RANBP2: variants seen among roughly 807,000 people sequenced by gnomAD.
RANBP2 encodes the protein E3 SUMO-protein ligase RanBP2.
Under a neutral mutation model 303.6 loss-of-function variants are expected in RANBP2, and 57 were observed. That is an observed-to-expected ratio of 0.19 (90% CI 0.15 to 0.23). The LOEUF is 0.23. Among genes scored for constraint, RANBP2 ranks in the 10% least tolerant of loss-of-function variants. The pLI is 1.00. For missense variants in RANBP2, 3,138 were observed against 3,780.8 expected, an observed-to-expected ratio of 0.83 and a Z score of 4.46; for synonymous variants, 1,167 against 1,301.5, an observed-to-expected ratio of 0.90 and a Z score of 2.23.
downstream of RANBP2, among the ~76,000 whole-genome samples, chr2:108,787,543 A>C (rs1334650384): frequency 6.6e-6 from 1 of 152,226 alleles, no homozygotes; most frequent in Non-Finnish European, 1.5e-5. Flanking sequence ...AATATTTGGT[A>C]ATCTAGAGTT....
chr2:109,305,929 C>G, the RANBP2 span, among the ~76,000 whole-genome samples: 2 of 152,218 alleles, frequency 1.3e-5, no homozygotes, highest in African/African-American at 4.8e-5. Context: ...GCTCCTCCAG[C>G]TGCTCCTCCA....
intron 8 of RANBP2, among the ~76,000 whole-genome samples, chr2:108,747,694 C>G (rs1025659140): frequency 2.0e-5 from 3 of 151,970 alleles, no homozygotes; most frequent in African/African-American, 4.8e-5. Context: ...CTGGGCATCC[C>G]GAGGGTGCCT....
rs1169430378 is a variant in RANBP2, at chr2:108,784,109, C to G, written c.*208C>G. 1 of 552,414 alleles carries G rather than the reference C, an allele frequency of 1.8e-6. No individual in the cohort carries two copies. Among genetic ancestry groups the G allele is most frequent in the African/African-American group, 1.9e-5 (1 of 53,006 alleles). 34.2% of individuals were successfully genotyped at this position (552,414 alleles called of 1,614,324 possible). ...TAAAAGTTTAAACACTGGTGTATTT[C>G]AGGTGTACTTGTGTTTATGTACTCC... is the stretch of plus-strand genomic sequence containing the variant. On this transcript the variant is annotated 3_prime_UTR_variant, in exon 29 of 29. Transcript: ENST00000283195.
rs568233554 is a variant in RANBP2, at chr2:108,781,948, C to T, written c.8761-180C>T. On this transcript the variant is annotated intron_variant, in intron 26 of 28. Coordinates refer to ENST00000283195, the MANE Select transcript of RANBP2 (RefSeq NM_006267.5). ...GAAAATGTTTAATGATAAATCAGGT[C>T]TTTACTCCCTCAGCCAAATCAGATA... Among the ~76,000 whole-genome samples the T allele has an allele frequency of 3.3e-5, 5 of 152,254 alleles. No individual in the cohort carries two copies. In the East Asian group the frequency reaches 9.6e-4, roughly 29 times the overall value.
chr2:109,055,654 G>A, the RANBP2 span, among the ~76,000 whole-genome samples: 14 of 151,898 alleles, frequency 9.2e-5, no homozygotes, highest in African/African-American at 3.4e-4. Flanking sequence ...AAAGTGCTGG[G>A]ATTAAAGGCG....
chr2:109,614,763 G>T, the RANBP2 span: 1 of 1,479,796 alleles, frequency 6.8e-7, no homozygotes, highest in South Asian at 1.3e-5. Context: ...CGAGCCCTCC[G>T]GGGACCCGCC....
At chr2:109,230,940 A>G in the RANBP2 span, among the ~76,000 whole-genome samples, 4 of 152,220 alleles carry the variant, frequency 2.6e-5, no homozygotes, top group Non-Finnish European at 4.4e-5. Context: ...GGAAGGCAGG[A>G]TAGGTCAAAC....
chr2:109,540,295 C>A, the RANBP2 span, among the ~76,000 whole-genome samples: 1,616 of 152,232 alleles, frequency 0.011, 9 homozygotes, highest in Middle Eastern at 0.037. Context: ...TTGTTTTCTT[C>A]AAGTCTCCCA....
chr2:108,975,307 T>C, the RANBP2 span, among the ~76,000 whole-genome samples: 2 of 152,196 alleles, frequency 1.3e-5, no homozygotes, highest in South Asian at 4.1e-4. Flanking sequence ...CCTGCCTGGG[T>C]TCCCACCCGT....
chr2:109,454,346 CCT>C, the RANBP2 span, among the ~76,000 whole-genome samples: 26 of 152,342 alleles, frequency 1.7e-4, no homozygotes, highest in African/African-American at 6.3e-4. Flanking sequence ...GTGACCCGAA[CCT>C]TCACTCCTGA....
the RANBP2 span, among the ~76,000 whole-genome samples, chr2:109,662,240 C>T: frequency 6.6e-6 from 1 of 152,160 alleles, no homozygotes; most frequent in Non-Finnish European, 1.5e-5. Context: ...ACCTGCATTG[C>T]AGTCTGAAAG....
chr2:109,486,941 C>T, the RANBP2 span, among the ~76,000 whole-genome samples: 1 of 152,178 alleles, frequency 6.6e-6, no homozygotes, highest in Non-Finnish European at 1.5e-5. Flanking sequence ...TTGGTTTTCT[C>T]CCTGTGAGGC....
chr2:109,287,952 C>A, the RANBP2 span, among the ~76,000 whole-genome samples: 1 of 152,228 alleles, frequency 6.6e-6, no homozygotes, highest in African/African-American at 2.4e-5. Flanking sequence ...AATAAGCAAG[C>A]CAGAGAAAGG....
chr2:109,539,799 C>A, the RANBP2 span, among the ~76,000 whole-genome samples: 1 of 152,168 alleles, frequency 6.6e-6, no homozygotes, highest in Non-Finnish European at 1.5e-5. Flanking sequence ...TAAATGAAAT[C>A]ATGCTGTATG....
the RANBP2 span, chr2:108,847,048 T>C: frequency 1.5e-6 from 1 of 665,132 alleles, no homozygotes; most frequent in Non-Finnish European, 2.6e-6. Context: ...TGAATTGTTT[T>C]ATAATGGTTA....
chr2:109,395,212 G>T, the RANBP2 span, among the ~76,000 whole-genome samples: 1 of 152,366 alleles, frequency 6.6e-6, no homozygotes, highest in South Asian at 2.1e-4. Context: ...CTGGTCCCCA[G>T]TGGTGGGTGG....
At chr2:108,809,055 T>A in the RANBP2 span, among the ~76,000 whole-genome samples, 717 of 152,274 alleles carry the variant, frequency 4.7e-3, 4 homozygotes, top group African/African-American at 0.016. Flanking sequence ...ATTTCCTGCA[T>A]GATTTGTTGA....
chr2:108,871,648 A>T, the RANBP2 span, among the ~76,000 whole-genome samples: 1 of 152,222 alleles, frequency 6.6e-6, no homozygotes, highest in African/African-American at 2.4e-5. Context: ...TTCATAACAT[A>T]AAATTTACCA....
Position 108,766,135 on chromosome 2 carries a change from C to A in RANBP2, c.5596C>A (p.Gln1866Lys). The change falls in exon 20 of 29, where the codon CAA becomes AAA. Residue 1866 changes from glutamine to lysine, a missense_variant. By Grantham distance (53) the Gln-to-Lys change is moderately conservative. Coordinates refer to ENST00000283195, the MANE Select transcript of RANBP2 (RefSeq NM_006267.5). ...EQGFKFGHVD[Q>K]ENSPSFMFQG... ...AGGATTCAAATTTGGGCATGTGGATCAAGAAAATTCACCTTCATTTATGTT... is the reference window on the plus strand; with the variant it reads ...AGGATTCAAATTTGGGCATGTGGATAAAGAAAATTCACCTTCATTTATGTT... The A allele has an allele frequency of 6.2e-7, 1 of 1,613,550 alleles. No homozygotes were observed. The highest frequency in any genetic ancestry group is 1.1e-5 in the South Asian group (1 of 91,048).
Sources: gnomAD v4.1 joint callset for allele counts (sites outside exome capture counted in the v4.1 genomes callset) on GRCh38, gnomAD v4.1.1 for gene constraint, MANE v1.5 for transcripts, NCBI Gene and HGNC (gene_info 2026-07-23, HGNC 2026-07-21) for gene names.